Variants in OPCML observed in about 807,000 individuals in gnomAD.
OPCML encodes opioid binding protein/cell adhesion molecule like.
A neutral mutation model predicts 37.8 loss-of-function variants in OPCML; 13 were observed. That is an observed-to-expected ratio of 0.34 (90% CI 0.22 to 0.55). OPCML has a LOEUF of 0.55. Among genes scored for constraint, OPCML ranks in the 20% least tolerant of loss-of-function variants. OPCML has a pLI of 0.91. For missense variants in OPCML, 341 were observed against 435.6 expected (o/e 0.78, Z 1.93); for synonymous variants, 176 against 168.8 (o/e 1.04, Z -0.33).
chr11:132,480,048 G>T (rs2096173793), intron 4 of OPCML, among the ~76,000 whole-genome samples: 1 of 152,154 alleles, frequency 6.6e-6, no homozygotes, highest in Admixed American at 6.5e-5. Flanking sequence ...AGAGAAGAAG[G>T]CTTCAGACGA....
At chr11:133,288,896 C>A (rs1181267356) in intron 1 of OPCML, among the ~76,000 whole-genome samples, 2 of 152,060 alleles carry the variant, frequency 1.3e-5, no homozygotes, top group African/African-American at 4.8e-5. Context: ...TCCCTTAGTG[C>A]AACTCTCGTG....
At position 132,478,142 on chromosome 11, in the gene OPCML, G is replaced by T. The variant is rs372749361; in HGVS notation, c.506-40783C>A. Among the ~76,000 whole-genome samples, 8 of 152,292 alleles carry T rather than the reference G, an allele frequency of 5.3e-5. 1 individual carries two copies. Among genetic ancestry groups the T allele is most frequent in the African/African-American group, 1.9e-4 (8 of 41,558 alleles). On this transcript the variant is annotated intron_variant, in intron 4 of 7. Coordinates refer to ENST00000524381, the MANE Select transcript of OPCML (RefSeq NM_001012393.5). ...AAATGAAGGTCAAGGCATGTGAAATGATATAATACAGTATATAATAAATTT... is the reference window on the plus strand; with the variant it reads ...AAATGAAGGTCAAGGCATGTGAAATTATATAATACAGTATATAATAAATTT...
At chr11:133,270,429 G>A (rs1474782780) in intron 1 of OPCML, among the ~76,000 whole-genome samples, 1 of 152,004 alleles carries the variant, frequency 6.6e-6, no homozygotes, top group Non-Finnish European at 1.5e-5. Flanking sequence ...TGATCCCTCT[G>A]GTCTCCTCCA....
intron 1 of OPCML, among the ~76,000 whole-genome samples, chr11:133,012,957 T>C (rs1947249207): frequency 6.6e-6 from 1 of 152,214 alleles, no homozygotes; most frequent in South Asian, 2.1e-4. Context: ...ACTCAGACTT[T>C]CAATGGCTCC....
At chr11:132,579,417 GA>G (rs2137620769) in intron 3 of OPCML, among the ~76,000 whole-genome samples, 1 of 149,632 alleles carries the variant, frequency 6.7e-6, no homozygotes, top group Non-Finnish European at 1.5e-5. Context: ...GTGTGTGTGT[GA>G]TGAGGGAGGC....
intron 3 of OPCML, among the ~76,000 whole-genome samples, chr11:132,544,028 T>G (rs985641057): frequency 2.0e-5 from 3 of 152,156 alleles, no homozygotes; most frequent in African/African-American, 7.2e-5. Flanking sequence ...TGAGTCTCAT[T>G]ACAGCCAAAG....
At chr11:132,884,585 A>G (rs1028928600) in intron 2 of OPCML, among the ~76,000 whole-genome samples, 2 of 152,250 alleles carry the variant, frequency 1.3e-5, no homozygotes, top group Non-Finnish European at 2.9e-5. Flanking sequence ...AGTCTGCTAT[A>G]GTTTAAAGAC....
intron 1 of OPCML, among the ~76,000 whole-genome samples, chr11:133,387,255 C>T (rs546506181): frequency 1.1e-3 from 173 of 152,314 alleles, no homozygotes; most frequent in African/African-American, 3.8e-3. Context: ...ACCAATTAAC[C>T]GGTAAGTGGT....
chr11:132,459,433 A>ATACG (rs1040829826), intron 4 of OPCML, among the ~76,000 whole-genome samples: 1 of 150,062 alleles, frequency 6.7e-6, no homozygotes, highest in Non-Finnish European at 1.5e-5. Context: ...ACATACATAC[A>ATACG]TACATACATA....
At chr11:133,439,187 T>C (rs1946305628) in intron 1 of OPCML, 1 of 689,006 alleles carries the variant, frequency 1.5e-6, no homozygotes, top group Non-Finnish European at 1.8e-6. Context: ...TGGGGCAGTC[T>C]TGTGGGACTG....
At position 132,716,186 on chromosome 11, in the gene OPCML, G is replaced by GAGAGC. The variant is rs761428671; in HGVS notation, c.147-58872_147-58868dup. Among the ~76,000 whole-genome samples the GAGAGC allele has an allele frequency of 1.5e-3, 222 of 152,294 alleles. 1 individual carries two copies. The highest frequency in any genetic ancestry group is 1.1e-3 in the Non-Finnish European group (74 of 68,040). On this transcript the variant is annotated intron_variant, in intron 2 of 7. Coordinates refer to ENST00000524381, the MANE Select transcript of OPCML (RefSeq NM_001012393.5). ...CACCTCCCATGTGCAGGCAGGTAAT[G>GAGAGC]AGAGCAGAGCAGACTCCCAAACTCA...
chr11:133,071,044 C>A (rs1489963558), intron 1 of OPCML, among the ~76,000 whole-genome samples: 1 of 152,198 alleles, frequency 6.6e-6, no homozygotes, highest in Non-Finnish European at 1.5e-5. Context: ...GATCTCCCTG[C>A]AGGGTACGTT....
chr11:132,965,696 C>T (rs1005244142), intron 1 of OPCML, among the ~76,000 whole-genome samples: 1 of 152,068 alleles, frequency 6.6e-6, no homozygotes, highest in Non-Finnish European at 1.5e-5. Flanking sequence ...CCACGCCCAG[C>T]TAATTTTTGT....
At chr11:132,843,833 T>C (rs1479599566) in intron 2 of OPCML, among the ~76,000 whole-genome samples, 1 of 152,208 alleles carries the variant, frequency 6.6e-6, no homozygotes, top group Non-Finnish European at 1.5e-5. Context: ...GTTTCAGATG[T>C]ATACATACAT....
intron 2 of OPCML, among the ~76,000 whole-genome samples, chr11:132,807,309 A>G (rs1336183064): frequency 6.6e-6 from 1 of 152,196 alleles, no homozygotes; most frequent in Non-Finnish European, 1.5e-5. Context: ...AGGCCAAATT[A>G]CCAACATGAA....
At chr11:133,025,974 A>G (rs1247013682) in intron 1 of OPCML, 1 of 689,926 alleles carries the variant, frequency 1.4e-6, no homozygotes, top group East Asian at 1.3e-4. Context: ...ACCTCAGGTG[A>G]TCCACCCACC....
chr11:132,973,335 C>G (rs1946383610), intron 1 of OPCML, among the ~76,000 whole-genome samples: 1 of 152,192 alleles, frequency 6.6e-6, no homozygotes, highest in African/African-American at 2.4e-5. Context: ...ACCACAATCC[C>G]TCTTTCGTCA....
chr11:132,810,007 G>C (rs970136492), intron 2 of OPCML, among the ~76,000 whole-genome samples: 1 of 151,832 alleles, frequency 6.6e-6, no homozygotes, highest in African/African-American at 2.4e-5. Context: ...CCGCCACCAC[G>C]CCCGGCTAAT....
chr11:133,217,102 A>G (rs1939615564), intron 1 of OPCML, among the ~76,000 whole-genome samples: 1 of 127,398 alleles, frequency 7.8e-6, no homozygotes, highest in Non-Finnish European at 1.8e-5. Flanking sequence ...CTTGGGAAGA[A>G]CTCAGCCCTT....
Sources: allele counts gnomAD v4.1 joint callset (sites outside exome capture counted in the v4.1 genomes callset), GRCh38; gene constraint gnomAD v4.1.1; transcripts MANE v1.5; gene names NCBI Gene and HGNC (gene_info 2026-07-23, HGNC 2026-07-21).